EXT1: variants seen among roughly 807,000 people sequenced by gnomAD.
The protein encoded by EXT1 is exostosin glycosyltransferase 1, also known as exostosin-1.
A neutral mutation model predicts 82.5 loss-of-function variants in EXT1; 20 were observed. The ratio of observed to expected loss-of-function variants is 0.24; its 90% CI spans 0.17 to 0.35. The LOEUF (loss-of-function observed/expected upper bound fraction) is 0.35. Ranked by LOEUF, EXT1 falls within the 10% of genes least tolerant of loss-of-function variation. The pLI is 1.00. For missense variants in EXT1, 757 were observed against 936.5 expected (o/e 0.81, Z 2.50); for synonymous variants, 348 against 350.8 (o/e 0.99, Z 0.09).
At chr8:117,897,182 G>C (rs1198056451) in intron 1 of EXT1, among the ~76,000 whole-genome samples, 3 of 152,206 alleles carry the variant, frequency 2.0e-5, no homozygotes, top group Admixed American at 1.3e-4. Flanking sequence ...CATACTAGCT[G>C]CATGTGGCTT....
Position 118,028,857 on chromosome 8 carries a change from A to C in EXT1, c.962+81228T>G, listed in dbSNP as rs186860491. ...GAATCGCTTGAACCTGGGAGGCAGA[A>C]GCTGCACTGAGCCAAGATCGCGCCA... On this transcript the variant is annotated intron_variant, in intron 1 of 10. Coordinates refer to ENST00000378204, the MANE Select transcript of EXT1 (RefSeq NM_000127.3). Among the ~76,000 whole-genome samples, 31 of 152,232 alleles carry C rather than the reference A, an allele frequency of 2.0e-4. 2 individuals are homozygous for C. The highest frequency in any genetic ancestry group is 2.0e-3 in the Admixed American group (31 of 15,280).
chr8:117,954,154 C>A (rs1814544347), intron 1 of EXT1, among the ~76,000 whole-genome samples: 2 of 152,184 alleles, frequency 1.3e-5, no homozygotes, highest in South Asian at 4.1e-4. Flanking sequence ...TTCCCAGGGG[C>A]TGTTTGCTTG....
chr8:117,881,204 T>C (rs1012067377), intron 1 of EXT1, among the ~76,000 whole-genome samples: 1 of 152,192 alleles, frequency 6.6e-6, no homozygotes, highest in Non-Finnish European at 1.5e-5. Context: ...TTTTATGTAT[T>C]TCTGTGGCTG....
intron 4 of EXT1, among the ~76,000 whole-genome samples, chr8:117,825,740 C>A (rs1366072473): frequency 6.6e-6 from 1 of 152,188 alleles, no homozygotes; most frequent in Non-Finnish European, 1.5e-5. Flanking sequence ...GAAGCCAGAT[C>A]AATTGTCTAT....
At chr8:118,044,064 TCTTAC>T (rs1340863936) in intron 1 of EXT1, among the ~76,000 whole-genome samples, 5 of 152,248 alleles carry the variant, frequency 3.3e-5, no homozygotes, top group African/African-American at 7.2e-5. Context: ...AGTGTCTCTT[TCTTAC>T]CTTAAGATAA....
intron 1 of EXT1, among the ~76,000 whole-genome samples, chr8:117,966,257 G>A (rs1222754575): frequency 1.3e-5 from 2 of 152,198 alleles, no homozygotes; most frequent in African/African-American, 4.8e-5. Flanking sequence ...CACAAGGAAT[G>A]AGATCTCTGT....
At chr8:117,865,677 C>T (rs988773405) in intron 1 of EXT1, among the ~76,000 whole-genome samples, 29 of 152,282 alleles carry the variant, frequency 1.9e-4, no homozygotes, top group African/African-American at 6.5e-4. Flanking sequence ...GCAAAACTTG[C>T]TTGTATTACA....
chr8:117,873,086 T>A (rs920253469), intron 1 of EXT1, among the ~76,000 whole-genome samples: 3 of 152,142 alleles, frequency 2.0e-5, no homozygotes, highest in African/African-American at 7.2e-5. Context: ...ATCTTTTTTA[T>A]AAAAGAGACT....
In EXT1 at chr8:117,835,470, T is replaced by A. The variant is rs747020325; in HGVS notation, c.1138A>T (p.Ile380Leu). 6.2e-7 allele frequency: 1 copy of A among 1,614,150 alleles called. No homozygotes were observed. The highest frequency in any genetic ancestry group is 2.2e-5 in the East Asian group (1 of 44,876). Residue 380 changes from isoleucine to leucine, a missense_variant, in exon 3 of 11, where the codon ATA (isoleucine) becomes TTA (leucine). Physicochemically the swap from Ile to Leu is conservative, Grantham distance 5. Coordinates refer to ENST00000378204, the MANE Select transcript of EXT1 (RefSeq NM_000127.3). ...TGTAATAACAATCTCTCATCGCCTA[T>A]GACGGCAGCTTGGTTCCAATTAATC... ...EVINWNQAAV[I>L]GDERLLLQIP...
At position 118,111,285 on chromosome 8, in the gene EXT1, C is replaced by G. The variant is rs974542844; in HGVS notation, c.-239G>C. 1.6e-6 allele frequency: 1 copy of G among 641,638 alleles called. No homozygotes were observed. The highest frequency in any genetic ancestry group is 2.7e-5 in the Admixed American group (1 of 37,288). 39.7% of individuals were successfully genotyped at this position (641,638 alleles called of 1,614,324 possible). A position where few individuals can be genotyped will look rare whatever the true frequency, so the allele number is the denominator to read the frequency against. On this transcript the variant is annotated 5_prime_UTR_variant, in exon 1 of 11. Transcript: ENST00000378204. ...GGGTTGCACAATGCACGGGAGAGAG[C>G]GGGGCTGAATATCTCGCACCCAGGG...
rs955363495 is a variant in EXT1, at chr8:117,798,086, A to T, written c.*1626T>A. ...CATTACAAGCTCCTCTTCCTCTCCC[A>T]GATGTCTACAAAGAAAGGATGAGGT... On this transcript the variant is annotated 3_prime_UTR_variant, in exon 11 of 11. Transcript: ENST00000378204. 3.3e-5 allele frequency: 5 copies of T among 152,226 alleles called. No homozygotes were observed. The highest frequency in any genetic ancestry group is 1.2e-4 in the African/African-American group (5 of 41,454). 9.4% of individuals were successfully genotyped at this position (152,226 alleles called of 1,614,324 possible).
chr8:118,063,066 G>A (rs775547724), intron 1 of EXT1, among the ~76,000 whole-genome samples: 3 of 152,120 alleles, frequency 2.0e-5, no homozygotes, highest in Non-Finnish European at 4.4e-5. Flanking sequence ...TTTGACAGAT[G>A]ATGGTTTCTG....
In EXT1 at chr8:118,035,133, T is replaced by C. The variant is rs545906968; in HGVS notation, c.962+74952A>G. On this transcript the variant is annotated intron_variant, in intron 1 of 10. Transcript: ENST00000378204. ...GAGAAAATGGAAAAGGAATAGACAT[T>C]TTTTGAATATCAAGCCCGGGCAAGT... 3.1e-4 allele frequency among the ~76,000 whole-genome samples: 47 copies of C among 152,270 alleles called. 1 individual carries two copies. In the South Asian group the frequency reaches 9.3e-3, roughly 30 times the overall value.
intron 1 of EXT1, among the ~76,000 whole-genome samples, chr8:117,925,652 T>G (rs1732666794): frequency 7.2e-6 from 1 of 138,936 alleles, no homozygotes; most frequent in African/African-American, 2.7e-5. Context: ...GGGGATCACT[T>G]GAGCCCAGGA....
chr8:117,805,770 T>C (rs919928220), intron 9 of EXT1, among the ~76,000 whole-genome samples: 30 of 152,206 alleles, frequency 2.0e-4, no homozygotes, highest in African/African-American at 5.1e-4. Flanking sequence ...AGAGCAGGTA[T>C]TTTGTTACTG....
At chr8:118,021,061 T>C (rs1299724153) in intron 1 of EXT1, among the ~76,000 whole-genome samples, 2 of 152,244 alleles carry the variant, frequency 1.3e-5, no homozygotes, top group East Asian at 3.8e-4. Flanking sequence ...CAAAGCTTTC[T>C]AATTTCAGTT....
intron 1 of EXT1, among the ~76,000 whole-genome samples, chr8:117,950,653 A>G (rs1006612836): frequency 5.3e-5 from 8 of 152,238 alleles, no homozygotes; most frequent in Admixed American, 5.2e-4. Context: ...CCCTGATAGA[A>G]CCAGGGATAA....
chr8:117,830,422 C>T lies in EXT1; in HGVS notation c.1165-73G>A, dbSNP rs949160791. 25 of 1,524,654 alleles carry T rather than the reference C, an allele frequency of 1.6e-5. No homozygotes were observed. In the African/African-American group the frequency reaches 2.2e-4, roughly 13 times the overall value. The allele number at this position is 1,524,654 out of a possible 1,614,324, so 94.4% of individuals were successfully genotyped here. A position where few individuals can be genotyped will look rare whatever the true frequency, so the allele number is the denominator to read the frequency against. ...GATGCACTTGATCAAAATAACCCAA[C>T]TGGGTTAGGCTTTTATTCTTCATAG... On this transcript the variant is annotated intron_variant, in intron 3 of 10. Coordinates refer to ENST00000378204, the MANE Select transcript of EXT1 (RefSeq NM_000127.3).
At chr8:117,830,055 A>C (rs1414721334) in intron 4 of EXT1, among the ~76,000 whole-genome samples, 175 bp downstream of exon 4, 2 of 152,166 alleles carry the variant, frequency 1.3e-5, no homozygotes, top group African/African-American at 4.8e-5. Flanking sequence ...CAGGAATGAG[A>C]GTATTTTCTT....
Sources: gnomAD v4.1 joint callset for allele counts (sites outside exome capture counted in the v4.1 genomes callset) on GRCh38, gnomAD v4.1.1 for gene constraint, MANE v1.5 for transcripts, NCBI Gene and HGNC (gene_info 2026-07-23, HGNC 2026-07-21) for gene names.